SLC9A9: variants seen among roughly 807,000 people sequenced by gnomAD.
SLC9A9 encodes the protein sodium/hydrogen exchanger 9.
In SLC9A9, 62 loss-of-function variants were observed where a neutral mutation model predicts 77.8. The ratio of observed to expected loss-of-function variants is 0.80; its 90% confidence interval spans 0.65 to 0.98. The LOEUF (loss-of-function observed/expected upper bound fraction) is 0.98. SLC9A9 is among the 50% of genes least tolerant of loss of function. The pLI, the probability that SLC9A9 is intolerant of heterozygous loss-of-function variation, is 0.00. For missense variants in SLC9A9, 775 were observed against 774.9 expected (o/e 1.00, Z 0.00); for synonymous variants, 320 against 283.5 (o/e 1.13, Z -1.29).
chr3:143,481,168 C>G (rs2035567366), intron 11 of SLC9A9, among the ~76,000 whole-genome samples: 1 of 152,060 alleles, frequency 6.6e-6, no homozygotes, highest in African/African-American at 2.4e-5. Context: ...ATTCACTAAG[C>G]TTCCAGTCTA....
chr3:143,718,007 TCAA>T (rs1934398115), intron 4 of SLC9A9, among the ~76,000 whole-genome samples: 1 of 151,980 alleles, frequency 6.6e-6, no homozygotes, highest in South Asian at 2.1e-4. Context: ...CTGAACATGT[TCAA>T]CAACAACTGA....
At chr3:143,470,643 A>G (rs1336937158) in intron 11 of SLC9A9, among the ~76,000 whole-genome samples, 1 of 152,212 alleles carries the variant, frequency 6.6e-6, no homozygotes, top group African/African-American at 2.4e-5. Context: ...TCATTGATAT[A>G]AATATTTGTA....
intron 5 of SLC9A9, among the ~76,000 whole-genome samples, chr3:143,691,042 A>C (rs1204184295): frequency 6.6e-6 from 1 of 152,086 alleles, no homozygotes; most frequent in Non-Finnish European, 1.5e-5. Flanking sequence ...GTGCATATGA[A>C]TCTCTTGAGG....
chr3:143,337,079 T>C (rs1172028714), intron 14 of SLC9A9, among the ~76,000 whole-genome samples: 1 of 152,184 alleles, frequency 6.6e-6, no homozygotes, highest in Non-Finnish European at 1.5e-5. Flanking sequence ...CTAATCTATA[T>C]ATTTTAAAGG....
chr3:143,377,805 T>A (rs1028591492), intron 13 of SLC9A9, among the ~76,000 whole-genome samples: 3 of 152,306 alleles, frequency 2.0e-5, no homozygotes, highest in Non-Finnish European at 4.4e-5. Context: ...AACTCAAACC[T>A]AACACCATGG....
intron 14 of SLC9A9, among the ~76,000 whole-genome samples, chr3:143,346,754 T>C (rs946530721): frequency 1.3e-5 from 2 of 151,964 alleles, no homozygotes; most frequent in Admixed American, 6.6e-5. Context: ...GATAGTGCCA[T>C]TGCACTCCAG....
chr3:143,500,058 AC>A (rs946388776), intron 9 of SLC9A9, among the ~76,000 whole-genome samples: 1 of 152,144 alleles, frequency 6.6e-6, no homozygotes, highest in African/African-American at 2.4e-5. Flanking sequence ...CTCAGGTATC[AC>A]AAAACAGATT....
At chr3:143,296,628 C>T (rs1247112340) in intron 14 of SLC9A9, among the ~76,000 whole-genome samples, 2 of 152,130 alleles carry the variant, frequency 1.3e-5, no homozygotes, top group African/African-American at 4.8e-5. Context: ...ATAGCATCCG[C>T]ACCATTTTAC....
intron 6 of SLC9A9, among the ~76,000 whole-genome samples, chr3:143,598,793 G>A (rs571162600): frequency 6.6e-6 from 1 of 152,288 alleles, no homozygotes; most frequent in African/African-American, 2.4e-5. Flanking sequence ...TGCTGCCCTT[G>A]TCCTTTAATA....
chr3:143,437,438 C>T (rs1309552262), intron 12 of SLC9A9, among the ~76,000 whole-genome samples: 10 of 152,200 alleles, frequency 6.6e-5, no homozygotes, highest in African/African-American at 1.4e-4. Flanking sequence ...GAGGAAGTGG[C>T]GCCCAGCAAG....
intron 12 of SLC9A9, among the ~76,000 whole-genome samples, chr3:143,455,314 C>T (rs1282190259): frequency 6.6e-6 from 1 of 152,112 alleles, no homozygotes; most frequent in Non-Finnish European, 1.5e-5. Flanking sequence ...TTTTTGGTTA[C>T]AGAAATGTTA....
chr3:143,750,830 CT>C (rs2006685678), intron 4 of SLC9A9, among the ~76,000 whole-genome samples: 1 of 151,218 alleles, frequency 6.6e-6, no homozygotes, highest in Non-Finnish European at 1.5e-5. Flanking sequence ...AGGAAAGAAC[CT>C]TTTGAAAAAA....
chr3:143,532,840 C>T (rs2036533430), intron 9 of SLC9A9, among the ~76,000 whole-genome samples: 1 of 152,212 alleles, frequency 6.6e-6, no homozygotes, highest in African/African-American at 2.4e-5. Context: ...AGGATCTCCC[C>T]TGTGATGAGG....
At chr3:143,548,020 C>T (rs1336239880) in intron 9 of SLC9A9, among the ~76,000 whole-genome samples, 5 of 152,190 alleles carry the variant, frequency 3.3e-5, no homozygotes, top group African/African-American at 1.2e-4. Flanking sequence ...AGAGTTACCT[C>T]TTAGGTAGAA....
At chr3:143,294,847 C>T (rs1479441619) in intron 14 of SLC9A9, among the ~76,000 whole-genome samples, 1 of 152,032 alleles carries the variant, frequency 6.6e-6, no homozygotes, top group Admixed American at 6.6e-5. Context: ...TACACATAGC[C>T]CAGGCAATAA....
chr3:143,482,318 CAGTT>C (rs1400424319), intron 11 of SLC9A9, among the ~76,000 whole-genome samples: 1 of 152,174 alleles, frequency 6.6e-6, no homozygotes, highest in Non-Finnish European at 1.5e-5. Flanking sequence ...AGCTTGGCAA[CAGTT>C]AGTGCTGCTG....
intron 6 of SLC9A9, among the ~76,000 whole-genome samples, chr3:143,604,118 A>G (rs1396434581): frequency 6.6e-6 from 1 of 152,236 alleles, no homozygotes; most frequent in African/African-American, 2.4e-5. Context: ...GCTCTGAATA[A>G]AATTTAGTTC....
intron 13 of SLC9A9, among the ~76,000 whole-genome samples, chr3:143,374,856 C>T (rs183660833): frequency 1.9e-3 from 289 of 152,134 alleles, no homozygotes; most frequent in Non-Finnish European, 3.4e-3. Flanking sequence ...ATTTTGCTAT[C>T]AAATAGTAGG....
At chr3:143,649,544 G>A (rs2038763546) in intron 6 of SLC9A9, among the ~76,000 whole-genome samples, 1 of 152,082 alleles carries the variant, frequency 6.6e-6, no homozygotes, top group South Asian at 2.1e-4. Context: ...CTAAGCAACA[G>A]TATTATAATT....
Sources: gnomAD v4.1 joint callset for allele counts (sites outside exome capture counted in the v4.1 genomes callset) on GRCh38, gnomAD v4.1.1 for gene constraint, MANE v1.5 for transcripts, NCBI Gene and HGNC (gene_info 2026-07-23, HGNC 2026-07-21) for gene names.